The following ILRUN variants were observed in gnomAD, a reference collection of about 807,000 sequenced individuals.
The protein encoded by ILRUN is protein ILRUN.
A neutral mutation model predicts 33.8 loss-of-function variants in ILRUN; 3 were observed. The ratio of observed to expected loss-of-function variants is 0.09; its 90% CI spans 0.04 to 0.23. ILRUN has a LOEUF of 0.23. Ranked by LOEUF, ILRUN falls within the 10% of genes least tolerant of loss-of-function variation. The probability of loss-of-function intolerance (pLI) is 1.00; values close to 1 mark genes in which losing one functional copy is unlikely to be tolerated. For missense variants in ILRUN, 210 were observed against 375.1 expected (o/e 0.56, Z 3.64); for synonymous variants, 124 against 138.9 (o/e 0.89, Z 0.75).
intron 4 of ILRUN, among the ~76,000 whole-genome samples, chr6:34,603,241 G>A (rs766756174): frequency 3.9e-5 from 6 of 152,152 alleles, no homozygotes; most frequent in African/African-American, 9.7e-5. Flanking sequence ...AGCCGGGCAC[G>A]GTGGCTCACA....
chr6:34,696,514 C>T lies in ILRUN; in HGVS notation c.90G>A (p.Glu30=), dbSNP rs1192275901. The change falls in exon 1 of 5, where the codon GAG becomes GAA. Residue 30 remains glutamate (E), a synonymous_variant. Coordinates refer to ENST00000374023, the MANE Select transcript of ILRUN (RefSeq NM_024294.4). ...GTTDKDVLIS[E]FQRLLGFQLN... ...GCTGGAAGCCGAGCAGCCTCTGGAA[C>T]TCGGAGATGAGCACGTCCTTGTCGG... 4.3e-6 allele frequency: 7 copies of T among 1,613,128 alleles called. No homozygotes were observed. Among genetic ancestry groups the T allele is most frequent in the Non-Finnish European group, 5.9e-6 (7 of 1,179,770 alleles).
intron 3 of ILRUN, among the ~76,000 whole-genome samples, chr6:34,608,263 G>A (rs543002455): frequency 4.2e-4 from 64 of 151,716 alleles, no homozygotes; most frequent in Admixed American, 1.1e-3. Flanking sequence ...GCATAGTGGC[G>A]GGTGCCTATA....
chr6:34,689,937 T>C (rs1763612253), intron 1 of ILRUN, among the ~76,000 whole-genome samples: 1 of 151,922 alleles, frequency 6.6e-6, no homozygotes, highest in African/African-American at 2.4e-5. Context: ...GCAGGCAACC[T>C]AGGATGTTGC....
At chr6:34,669,506 T>C (rs879409288) in intron 1 of ILRUN, among the ~76,000 whole-genome samples, 17 of 152,238 alleles carry the variant, frequency 1.1e-4, no homozygotes, top group South Asian at 4.1e-4. Context: ...CTCCCACCAA[T>C]TGCCAGCCAA....
At chr6:34,612,666 G>A (rs1443456967) in intron 3 of ILRUN, among the ~76,000 whole-genome samples, 2 of 152,082 alleles carry the variant, frequency 1.3e-5, no homozygotes, top group Non-Finnish European at 2.9e-5. Flanking sequence ...CAGCACTTTG[G>A]GAGGCCAAAG....
chr6:34,648,179 CTATA>C (rs1417262189), intron 2 of ILRUN, among the ~76,000 whole-genome samples: 2 of 152,078 alleles, frequency 1.3e-5, no homozygotes, highest in Admixed American at 6.6e-5. Context: ...ACAGAAACTT[CTATA>C]TATCTTTTTT....
At chr6:34,594,676 C>T (rs2235572) in intron 4 of ILRUN, among the ~76,000 whole-genome samples, 10,069 of 152,244 alleles carry the variant, frequency 0.066, 520 homozygotes, top group East Asian at 0.32. Context: ...GGCTAGAGAG[C>T]AGGCAAGCCT....
chr6:34,606,625 A>G lies in ILRUN; in HGVS notation c.791T>C (p.Leu264Pro), dbSNP rs751906052. 52 of 1,614,068 alleles carry G rather than the reference A, an allele frequency of 3.2e-5. No homozygotes were observed. Among genetic ancestry groups the G allele is most frequent in the Non-Finnish European group, 4.3e-5 (51 of 1,180,040 alleles). ...AGACAGATTTACAGAGTTCTGTGAC[A>G]GTCTATTCTGGTCTTGCTCAGTTTG... ...PDQTEQDQNRLSQNSVNLSPS... is the reference protein window; with the variant it reads ...PDQTEQDQNRPSQNSVNLSPS... The change falls in exon 4 of 5, where the codon CTG becomes CCG. Residue 264 changes from leucine to proline, a missense_variant. This residue lies in a region of ILRUN where 81 missense variants were observed against 97.0 expected (regional missense o/e 0.84). Coordinates refer to ENST00000374023, the MANE Select transcript of ILRUN (RefSeq NM_024294.4).
intron 2 of ILRUN, among the ~76,000 whole-genome samples, chr6:34,651,685 C>A: frequency 7.2e-6 from 1 of 139,608 alleles, no homozygotes; most frequent in Admixed American, 7.4e-5. Flanking sequence ...TTAAAATAAA[C>A]AAATAAAACT....
chr6:34,602,633 C>T (rs1761534044), intron 4 of ILRUN, among the ~76,000 whole-genome samples: 1 of 152,188 alleles, frequency 6.6e-6, no homozygotes, highest in African/African-American at 2.4e-5. Context: ...CACTTTCTAG[C>T]CTTCACCAGT....
chr6:34,643,884 T>C (rs558139093), intron 3 of ILRUN, among the ~76,000 whole-genome samples: 75 of 152,320 alleles, frequency 4.9e-4, no homozygotes, highest in Non-Finnish European at 7.1e-4. Context: ...GTATTTTTAG[T>C]AGAGACAGGA....
At chr6:34,659,850 A>G (rs527537603) in intron 1 of ILRUN, among the ~76,000 whole-genome samples, 15 of 151,750 alleles carry the variant, frequency 9.9e-5, no homozygotes, top group Admixed American at 5.9e-4. Context: ...CGAACTCCCA[A>G]CCTCAGGTGA....
chr6:34,649,986 A>G (rs1762628474), intron 2 of ILRUN, among the ~76,000 whole-genome samples: 2 of 152,196 alleles, frequency 1.3e-5, no homozygotes, highest in South Asian at 4.1e-4. Flanking sequence ...ATCCCTTTAT[A>G]TTCACTTCTA....
chr6:34,675,237 C>T (rs915359708), intron 1 of ILRUN, among the ~76,000 whole-genome samples: 8 of 151,900 alleles, frequency 5.3e-5, no homozygotes, highest in African/African-American at 1.9e-4. Context: ...GCTGAGATGG[C>T]GCCACTGCAC....
chr6:34,600,523 G>A (rs1046301543), intron 4 of ILRUN, among the ~76,000 whole-genome samples: 1 of 152,186 alleles, frequency 6.6e-6, no homozygotes, highest in Admixed American at 6.5e-5. Context: ...AGACCCCAGA[G>A]ACTGTATCTT....
chr6:34,650,876 A>T (rs778324582), intron 2 of ILRUN, among the ~76,000 whole-genome samples: 2 of 152,202 alleles, frequency 1.3e-5, no homozygotes, highest in Non-Finnish European at 2.9e-5. Flanking sequence ...CGCCTAAAAC[A>T]TGACAAGACA....
Position 34,646,528 on chromosome 6 carries a change from G to A in ILRUN, c.511+73C>T. The A allele has an allele frequency of 6.8e-7, 1 of 1,463,588 alleles. No homozygotes were observed. The highest frequency in any genetic ancestry group is 9.4e-7 in the Non-Finnish European group (1 of 1,061,376). The allele number at this position is 1,463,588 out of a possible 1,614,324, so 90.7% of individuals were successfully genotyped here. On this transcript the variant is annotated intron_variant, in intron 3 of 4. Coordinates refer to ENST00000374023, the MANE Select transcript of ILRUN (RefSeq NM_024294.4). This position sits in a 1 kb window ranked among gnomAD's most constrained non-coding sequence, Gnocchi z 4.9. The stretch of plus-strand genomic sequence containing the variant: ...CCTGTTATGCAATTTGACAGGCTCT[G>A]TGAGCAACACTGGGGATGTTATAAG...
At chr6:34,594,922 T>C (rs1761370801) in intron 4 of ILRUN, among the ~76,000 whole-genome samples, 1 of 152,232 alleles carries the variant, frequency 6.6e-6, no homozygotes, top group Non-Finnish European at 1.5e-5. Context: ...GGGGTGGTCC[T>C]CACTATGTTG....
intron 1 of ILRUN, among the ~76,000 whole-genome samples, chr6:34,681,776 T>A (rs1763361513): frequency 6.6e-6 from 1 of 151,694 alleles, no homozygotes; most frequent in African/African-American, 2.4e-5. Context: ...ACATAATTAC[T>A]GGGTAAGAAT....
Sources: allele counts gnomAD v4.1 joint callset (sites outside exome capture counted in the v4.1 genomes callset), GRCh38; gene constraint gnomAD v4.1.1; regional missense constraint gnomAD v4.1.1; non-coding constraint Gnocchi (gnomAD v3.1); transcripts MANE v1.5; gene names NCBI Gene and HGNC (gene_info 2026-07-23, HGNC 2026-07-21).